The following BCO2 variants were observed in gnomAD, a reference collection of about 807,000 sequenced individuals.
The protein encoded by BCO2 is carotenoid-cleaving dioxygenase, mitochondrial.
Under a neutral mutation model 65.8 loss-of-function variants are expected in BCO2, and 56 were observed. That is an observed-to-expected ratio of 0.85 (90% CI 0.69 to 1.06). The LOEUF (loss-of-function observed/expected upper bound fraction) is 1.06. Ranked by LOEUF, BCO2 falls within the 50% of genes least tolerant of loss-of-function variation. The probability of loss-of-function intolerance (pLI) is 0.00; values close to 1 mark genes in which losing one functional copy is unlikely to be tolerated. For missense variants in BCO2, 675 were observed against 698.5 expected, an observed-to-expected ratio of 0.97 and a Z score of 0.38; for synonymous variants, 233 against 242.3, an observed-to-expected ratio of 0.96 and a Z score of 0.36.
Position 112,179,339 on chromosome 11 carries a change from T to G in BCO2, c.150T>G (p.Gly50=). ...QKKAVFGQCR[G]LPCVAPLLTT... is the part of the protein sequence containing the mutation. ...AAGCCGTCTTTGGGCAGTGTCGGGG[T>G]CTGCCATGTGTTGCACCGCTGCTGA... Residue 50 remains glycine, a synonymous_variant, in exon 2 of 12, where the codon GGT becomes GGG. Coordinates refer to ENST00000357685, the MANE Select transcript of BCO2 (RefSeq NM_031938.7). 1.2e-6 allele frequency: 2 copies of G among 1,614,086 alleles called. No individual in the cohort carries two copies. Among genetic ancestry groups the G allele is most frequent in the Non-Finnish European group, 1.7e-6 (2 of 1,179,980 alleles).
chr11:112,187,993 G>A (rs1867250120), intron 2 of BCO2, among the ~76,000 whole-genome samples: 1 of 152,148 alleles, frequency 6.6e-6, no homozygotes, highest in South Asian at 2.1e-4. Context: ...CATGTAGTAA[G>A]TGCTTGGTAG....
In BCO2 at chr11:112,193,943, G is replaced by C. The variant is rs1232265718; in HGVS notation, c.582G>C (p.Glu194Asp). 2 of 1,612,934 alleles carry C rather than the reference G, an allele frequency of 1.2e-6. No homozygotes were observed. Among genetic ancestry groups the C allele is most frequent in the Non-Finnish European group, 1.7e-6 (2 of 1,179,060 alleles). ...RYKGDYYLCT[E>D]TNFMNKVDIE... is the part of the protein sequence containing the mutation. ...AGGGTGATTACTACCTCTGCACTGA[G>C]ACCAACTTTATGAATAAAGTGGACA... Residue 194 changes from glutamate (E) to aspartate (D), a missense_variant, in exon 4 of 12, where the codon GAG becomes GAC. Coordinates refer to ENST00000357685, the MANE Select transcript of BCO2 (RefSeq NM_031938.7).
In BCO2 at chr11:112,218,550, C is replaced by A; in HGVS notation, c.*676C>A. ...CCCATGGTGCTGAACACCAACTCAC[C>A]CTAATTAAGGTTGATGACAACAAGA... On this transcript the variant is annotated 3_prime_UTR_variant, in exon 12 of 12. Transcript: ENST00000357685. 4.0e-6 allele frequency: 1 copy of A among 250,726 alleles called. No homozygotes were observed. Among genetic ancestry groups the A allele is most frequent in the South Asian group, 5.2e-5 (1 of 19,226 alleles). 15.5% of individuals were successfully genotyped at this position (250,726 alleles called of 1,614,324 possible).
chr11:112,212,073 T>A lies in BCO2; in HGVS notation c.1195-1651T>A, dbSNP rs555601848. ...AAAAAAAAGCTAATAACTTTATGAA[T>A]CTTAAGAATAGCACTAAATCTTTAC... is the stretch of plus-strand genomic sequence containing the variant. On this transcript the variant is annotated intron_variant, in intron 8 of 11. Coordinates refer to ENST00000357685, the MANE Select transcript of BCO2 (RefSeq NM_031938.7). Among the ~76,000 whole-genome samples the A allele has an allele frequency of 3.3e-5, 5 of 152,038 alleles. 1 individual carries two copies. The South Asian group carries it at 1.0e-3, about 32-fold the overall frequency.
rs189850983 is a variant in BCO2 at position 112,194,549 on chromosome 11, G to A, written c.634-104G>A. The A allele has an allele frequency of 6.5e-5, 46 of 710,518 alleles. No individual in the cohort carries two copies. In the Admixed American group the frequency reaches 1.2e-3, roughly 19 times the overall value. 44.0% of individuals were successfully genotyped at this position (710,518 alleles called of 1,614,324 possible). The stretch of plus-strand genomic sequence containing the variant: ...GAGGCAAGAAATTAGGGCTTACATT[G>A]CAGTTTTCTTATCATATTTTTAAAA... On this transcript the variant is annotated intron_variant, in intron 4 of 11. Transcript: ENST00000357685.
At chr11:112,206,240 G>A (rs971694505) in intron 8 of BCO2, among the ~76,000 whole-genome samples, 1 of 151,526 alleles carries the variant, frequency 6.6e-6, no homozygotes, top group Non-Finnish European at 1.5e-5. Context: ...CCCAGACAGG[G>A]CAGCGGCCGG....
At chr11:112,185,356 T>C (rs1566770835) in intron 2 of BCO2, among the ~76,000 whole-genome samples, 1 of 152,240 alleles carries the variant, frequency 6.6e-6, no homozygotes, top group Non-Finnish European at 1.5e-5. Flanking sequence ...CTCTTCAGTA[T>C]AAATTTCTCT....
intron 7 of BCO2, among the ~76,000 whole-genome samples, chr11:112,201,517 T>C (rs1021995227): frequency 6.6e-6 from 1 of 152,216 alleles, no homozygotes; most frequent in African/African-American, 2.4e-5. Flanking sequence ...ATTGAATATC[T>C]TTTTATACTC....
At chr11:112,212,420 G>C (rs1201030617) in intron 8 of BCO2, among the ~76,000 whole-genome samples, 3 of 152,172 alleles carry the variant, frequency 2.0e-5, no homozygotes, top group Non-Finnish European at 4.4e-5. Flanking sequence ...AGGACTGCTT[G>C]AGCCCAGGAG....
chr11:112,207,419 ATCT>A (rs1296124501), intron 8 of BCO2, among the ~76,000 whole-genome samples: 2 of 152,198 alleles, frequency 1.3e-5, no homozygotes, highest in Non-Finnish European at 2.9e-5. Context: ...TGTTTTAGAC[ATCT>A]TCTCATGGCA....
intron 2 of BCO2, among the ~76,000 whole-genome samples, chr11:112,186,133 G>A (rs1867193715): frequency 6.6e-6 from 1 of 152,210 alleles, no homozygotes. Context: ...AAGGGGAGGA[G>A]GAGGAGAAAC....
At chr11:112,181,409 C>G (rs1867044460) in intron 2 of BCO2, 1 of 587,476 alleles carries the variant, frequency 1.7e-6, no homozygotes. Flanking sequence ...TCTCGATCTC[C>G]TGACCTCGTG....
intron 11 of BCO2, among the ~76,000 whole-genome samples, chr11:112,216,951 C>T (rs1015344199): frequency 2.6e-5 from 4 of 152,188 alleles, no homozygotes; most frequent in Admixed American, 6.5e-5. Flanking sequence ...GATCAATTAG[C>T]GATATCTGCC....
Position 112,216,398 on chromosome 11 carries a change from G to A in BCO2, c.1626+68G>A. On this transcript the variant is annotated intron_variant, in intron 11 of 11. Transcript: ENST00000357685. ...CTGAGTCATCTGATAAATCAAGGAT[G>A]CACACTCATCTGTCGATAGTTTACT... is the stretch of plus-strand genomic sequence containing the variant. The A allele has an allele frequency of 3.6e-6, 4 of 1,126,666 alleles. No homozygotes were observed. The Admixed American group carries it at 7.1e-5, about 20-fold the overall frequency. The allele number at this position is 1,126,666 out of a possible 1,614,324, so 69.8% of individuals were successfully genotyped here. A position where few individuals can be genotyped will look rare whatever the true frequency, so the allele number is the denominator to read the frequency against.
intron 8 of BCO2, among the ~76,000 whole-genome samples, chr11:112,206,081 G>A (rs1036008824): frequency 1.3e-5 from 2 of 152,208 alleles, no homozygotes; most frequent in Admixed American, 6.5e-5. Context: ...GGAAGGTTGC[G>A]CAGCGGCCAG....
chr11:112,180,646 G>T lies in BCO2; in HGVS notation c.293+1164G>T. 4 of 677,966 alleles carry T rather than the reference G, an allele frequency of 5.9e-6. No homozygotes were observed. In the East Asian group the frequency reaches 8.0e-5, roughly 14 times the overall value. 42.0% of individuals were successfully genotyped at this position (677,966 alleles called of 1,614,324 possible). On this transcript the variant is annotated intron_variant, in intron 2 of 11. Coordinates refer to ENST00000357685, the MANE Select transcript of BCO2 (RefSeq NM_031938.7). ...GCATGTGTGTGGTGTGTCCCCAAGG[G>T]CAGAAAGGTGGCGAAGGGAGGCGAA...
intron 8 of BCO2, among the ~76,000 whole-genome samples, chr11:112,203,696 G>C (rs1867793924): frequency 6.6e-6 from 1 of 152,068 alleles, no homozygotes. Flanking sequence ...CTCTAGACTT[G>C]TTCATACTAC....
At chr11:112,197,547 CAAA>C (rs67238692) in intron 5 of BCO2, among the ~76,000 whole-genome samples, 2,907 of 141,772 alleles carry the variant, frequency 0.021, 97 homozygotes, top group African/African-American at 0.069. Flanking sequence ...GACCCTGTCT[CAAA>C]AAAAAAAAAA....
intron 8 of BCO2, among the ~76,000 whole-genome samples, chr11:112,205,601 C>G (rs542690706): frequency 3.3e-5 from 5 of 150,510 alleles, no homozygotes; most frequent in Non-Finnish European, 5.9e-5. Context: ...TCTACAGGTG[C>G]GTGGCACCAC....
Sources: allele counts gnomAD v4.1 joint callset (sites outside exome capture counted in the v4.1 genomes callset), GRCh38; gene constraint gnomAD v4.1.1; transcripts MANE v1.5; gene names NCBI Gene and HGNC (gene_info 2026-07-23, HGNC 2026-07-21).